OPCML: variants seen among roughly 807,000 people sequenced by gnomAD.
OPCML encodes opioid binding protein/cell adhesion molecule like, also known as opioid-binding protein/cell adhesion molecule.
Under a neutral mutation model 37.8 loss-of-function variants are expected in OPCML, and 13 were observed. The ratio of observed to expected loss-of-function variants is 0.34; its 90% CI spans 0.22 to 0.55. The LOEUF is 0.55. OPCML is among the 20% of genes least tolerant of loss of function. The pLI is 0.91. For synonymous variants in OPCML, 176 were observed against 168.8 expected, an observed-to-expected ratio of 1.04 and a Z score of -0.33; for missense variants, 341 against 435.6, an observed-to-expected ratio of 0.78 and a Z score of 1.93.
intron 4 of OPCML, among the ~76,000 whole-genome samples, chr11:132,523,736 T>C (rs1294009426): frequency 6.6e-6 from 1 of 152,232 alleles, no homozygotes; most frequent in Admixed American, 6.5e-5. Flanking sequence ...TGTTACAATA[T>C]AAAGATGAGG....
chr11:132,436,574 C>A, intron 6 of OPCML, 85 bp downstream of exon 6: 2 of 1,567,190 alleles, frequency 1.3e-6, no homozygotes, highest in South Asian at 1.2e-5. Context: ...TATCTTTCCC[C>A]TTTTCTTCAT....
intron 1 of OPCML, among the ~76,000 whole-genome samples, chr11:132,977,092 G>C (rs1946482442): frequency 6.6e-6 from 1 of 152,246 alleles, no homozygotes. Context: ...CTCATTTATA[G>C]AAGTGGGATC....
chr11:132,597,191 C>A (rs148701148), intron 3 of OPCML, among the ~76,000 whole-genome samples: 10 of 152,218 alleles, frequency 6.6e-5, no homozygotes, highest in African/African-American at 2.4e-4. Flanking sequence ...CTTCTAGGAA[C>A]TTTCTGCAGC....
intron 1 of OPCML, among the ~76,000 whole-genome samples, chr11:133,264,561 A>C (rs1225308519): frequency 1.3e-5 from 2 of 152,136 alleles, no homozygotes; most frequent in Non-Finnish European, 2.9e-5. Context: ...CTATGCGGTG[A>C]ATGCACACTT....
chr11:133,525,312 G>T (rs769095514), intron 1 of OPCML, among the ~76,000 whole-genome samples: 1 of 152,172 alleles, frequency 6.6e-6, no homozygotes, highest in South Asian at 2.1e-4. Flanking sequence ...CCAAGCTCAG[G>T]TAACCTGACA....
At chr11:133,031,619 AATGGGTGGATGG>A (rs36229221) in intron 1 of OPCML, among the ~76,000 whole-genome samples, 20,088 of 148,922 alleles carry the variant, frequency 0.13, 1,740 homozygotes, top group Admixed American at 0.28. Flanking sequence ...ATGGTGTATG[AATGGGTGGATGG>A]ATGGGTGGAT....
chr11:133,354,304 A>ATAGTGATGATGGTG (rs1944226397), intron 1 of OPCML, among the ~76,000 whole-genome samples: 2 of 9,894 alleles, frequency 2.0e-4, no homozygotes, highest in African/African-American at 6.5e-4. Context: ...GGTGGTGGTG[A>ATAGTGATGATGGTG]CGTGTTGGTA....
Position 133,177,873 on chromosome 11 carries a change from G to C in OPCML, c.62-234863C>G, listed in dbSNP as rs1476245809. On this transcript the variant is annotated intron_variant, in intron 1 of 7. Transcript: ENST00000524381. This position sits in a 1 kb window ranked among gnomAD's most constrained non-coding sequence, Gnocchi z 5.0. ...TCATTTACTTCATGAGGAAGAAAGAGAGGAAAGGAGGCTGACCCAGTGGGC... is the reference window on the plus strand; with the variant it reads ...TCATTTACTTCATGAGGAAGAAAGACAGGAAAGGAGGCTGACCCAGTGGGC... Among the ~76,000 whole-genome samples, 1 of 152,212 alleles carries C rather than the reference G, an allele frequency of 6.6e-6. No individual in the cohort carries two copies. Among genetic ancestry groups the C allele is most frequent in the Non-Finnish European group, 1.5e-5 (1 of 68,044 alleles).
At chr11:133,404,931 G>A (rs1013978309) in intron 1 of OPCML, among the ~76,000 whole-genome samples, 1 of 152,146 alleles carries the variant, frequency 6.6e-6, no homozygotes, top group African/African-American at 2.4e-5. Context: ...TAGAAATTAT[G>A]GGAATCATAG....
At chr11:132,998,011 C>T (rs1049949956) in intron 1 of OPCML, among the ~76,000 whole-genome samples, 10 of 152,066 alleles carry the variant, frequency 6.6e-5, no homozygotes, top group Non-Finnish European at 2.9e-5. Flanking sequence ...CTTTCTCTTG[C>T]TAACCTGTCA....
chr11:132,590,084 C>T (rs1397021982), intron 3 of OPCML, among the ~76,000 whole-genome samples: 2 of 152,078 alleles, frequency 1.3e-5, no homozygotes, highest in Non-Finnish European at 2.9e-5. Context: ...TTCCTCTTTG[C>T]CTCACAAATC....
chr11:132,848,577 A>C (rs1941659083), intron 2 of OPCML, among the ~76,000 whole-genome samples: 1 of 152,208 alleles, frequency 6.6e-6, no homozygotes, highest in Non-Finnish European at 1.5e-5. Context: ...ACTTACCCAT[A>C]ATTTTTGTTA....
chr11:132,806,530 A>G (rs1293316942), intron 2 of OPCML, among the ~76,000 whole-genome samples: 1 of 152,174 alleles, frequency 6.6e-6, no homozygotes, highest in Non-Finnish European at 1.5e-5. Flanking sequence ...AGTGCATGAT[A>G]AAAGAGCAAA....
intron 3 of OPCML, among the ~76,000 whole-genome samples, chr11:132,604,666 G>A (rs982639538): frequency 5.9e-5 from 9 of 152,132 alleles, no homozygotes; most frequent in Non-Finnish European, 1.0e-4. Flanking sequence ...GTTTGAAGGC[G>A]CCAACATTCC....
chr11:133,032,778 C>T (rs188480514), intron 1 of OPCML, among the ~76,000 whole-genome samples: 121 of 152,202 alleles, frequency 7.9e-4, no homozygotes, highest in Non-Finnish European at 1.3e-3. Flanking sequence ...TGCATTATTC[C>T]GACCTGGAAT....
intron 1 of OPCML, among the ~76,000 whole-genome samples, chr11:133,151,051 G>A (rs1949975932): frequency 6.6e-6 from 1 of 151,440 alleles, no homozygotes; most frequent in Non-Finnish European, 1.5e-5. Context: ...GAGGTGAGCG[G>A]ATCACAAGGT....
intron 2 of OPCML, among the ~76,000 whole-genome samples, chr11:132,665,615 C>A (rs558296779): frequency 6.6e-6 from 1 of 152,034 alleles, no homozygotes; most frequent in African/African-American, 2.4e-5. Context: ...AGAAGTAAAG[C>A]GTAGGGTAGC....
intron 2 of OPCML, among the ~76,000 whole-genome samples, chr11:132,914,035 C>T (rs901602051): frequency 6.6e-6 from 1 of 152,160 alleles, no homozygotes; most frequent in Non-Finnish European, 1.5e-5. Flanking sequence ...TTGATTGTCT[C>T]AAAAAGCCAG....
At chr11:132,796,208 A>G (rs1256471655) in intron 2 of OPCML, among the ~76,000 whole-genome samples, 1 of 152,222 alleles carries the variant, frequency 6.6e-6, no homozygotes, top group Non-Finnish European at 1.5e-5. Context: ...ATGGATACCA[A>G]GAGACAAATG....
Sources: allele counts gnomAD v4.1 joint callset (sites outside exome capture counted in the v4.1 genomes callset), GRCh38; gene constraint gnomAD v4.1.1; non-coding constraint Gnocchi (gnomAD v3.1); transcripts MANE v1.5; gene names NCBI Gene and HGNC (gene_info 2026-07-23, HGNC 2026-07-21).